The following NEGR1 variants were observed in gnomAD, a reference collection of about 807,000 sequenced individuals.
The protein encoded by NEGR1 is neuronal growth regulator 1.
In NEGR1, 10 loss-of-function variants were observed where a neutral mutation model predicts 40.9. The ratio of observed to expected loss-of-function variants is 0.24; its 90% CI spans 0.15 to 0.42. The LOEUF (loss-of-function observed/expected upper bound fraction) is 0.42. NEGR1 is among the 10% of genes least tolerant of loss of function. The pLI, the probability that NEGR1 is intolerant of heterozygous loss-of-function variation, is 1.00. For missense variants in NEGR1, 352 were observed against 438.9 expected (o/e 0.80, Z 1.77); for synonymous variants, 185 against 166.8 (o/e 1.11, Z -0.84).
At chr1:72,265,199 T>C (rs1655600102) in intron 1 of NEGR1, among the ~76,000 whole-genome samples, 1 of 151,014 alleles carries the variant, frequency 6.6e-6, no homozygotes, top group African/African-American at 2.4e-5. Context: ...TAACTGATGA[T>C]AGCTGTTTGC....
chr1:71,812,757 G>GT (rs762611902), intron 2 of NEGR1, among the ~76,000 whole-genome samples: 22 of 151,826 alleles, frequency 1.4e-4, no homozygotes, highest in Admixed American at 2.6e-4. Flanking sequence ...TTTTTATTGT[G>GT]TTTTTTTCTT....
intron 1 of NEGR1, among the ~76,000 whole-genome samples, chr1:71,979,138 T>C (rs758597651): frequency 2.0e-5 from 3 of 152,088 alleles, no homozygotes; most frequent in Non-Finnish European, 2.9e-5. Flanking sequence ...TTCTCACTTA[T>C]AAGTTGGAGC....
intron 2 of NEGR1, among the ~76,000 whole-genome samples, chr1:71,814,594 T>C (rs1338558148): frequency 2.6e-5 from 4 of 152,140 alleles, no homozygotes. Context: ...TCAGAACTTA[T>C]TATTGGTCTA....
chr1:71,879,877 A>G (rs540840301), intron 2 of NEGR1, among the ~76,000 whole-genome samples: 3 of 152,180 alleles, frequency 2.0e-5, no homozygotes, highest in Non-Finnish European at 2.9e-5. Context: ...GGCCCAATTT[A>G]GAAACATTAA....
At chr1:71,765,143 C>A (rs1656077829) in intron 3 of NEGR1, among the ~76,000 whole-genome samples, 1 of 152,142 alleles carries the variant, frequency 6.6e-6, no homozygotes. Context: ...ATGAGATGGA[C>A]TGAAAACTGT....
chr1:71,553,985 A>G (rs1338285322), intron 6 of NEGR1, among the ~76,000 whole-genome samples: 1 of 151,552 alleles, frequency 6.6e-6, no homozygotes, highest in Non-Finnish European at 1.5e-5. Flanking sequence ...CTTACAGAAA[A>G]GAGTTTTTTA....
At chr1:72,249,819 T>C (rs996704256) in intron 1 of NEGR1, among the ~76,000 whole-genome samples, 1 of 152,152 alleles carries the variant, frequency 6.6e-6, no homozygotes. Flanking sequence ...TGGAAGGAAG[T>C]TATTCTGATA....
chr1:72,193,988 C>A (rs1471065832), intron 1 of NEGR1, among the ~76,000 whole-genome samples: 1 of 151,638 alleles, frequency 6.6e-6, no homozygotes, highest in African/African-American at 2.4e-5. Context: ...GGTATCAGAT[C>A]ATTGCTGTCA....
chr1:71,691,709 T>G (rs914456791), intron 4 of NEGR1, among the ~76,000 whole-genome samples: 5 of 151,796 alleles, frequency 3.3e-5, no homozygotes, highest in Non-Finnish European at 7.4e-5. Context: ...AACTCTCACC[T>G]CATCCGGTCC....
chr1:71,687,039 C>T (rs79288961), intron 4 of NEGR1, among the ~76,000 whole-genome samples: 10,625 of 152,246 alleles, frequency 0.07, 1,229 homozygotes, highest in African/African-American at 0.24. Context: ...ACACTCTCAA[C>T]ATCTGTTCTA....
At chr1:71,557,991 A>T (rs1312019170) in intron 6 of NEGR1, among the ~76,000 whole-genome samples, 1 of 151,514 alleles carries the variant, frequency 6.6e-6, no homozygotes, top group African/African-American at 2.4e-5. Flanking sequence ...GATTTCTCTG[A>T]TATTTTCTCA....
At chr1:71,712,461 G>T (rs1233978575) in intron 3 of NEGR1, among the ~76,000 whole-genome samples, 1 of 152,036 alleles carries the variant, frequency 6.6e-6, no homozygotes, top group Non-Finnish European at 1.5e-5. Context: ...TCAGCTGATG[G>T]TTCACTTTAA....
chr1:72,264,620 T>C (rs1261231018), intron 1 of NEGR1, among the ~76,000 whole-genome samples: 2 of 150,738 alleles, frequency 1.3e-5, no homozygotes, highest in Non-Finnish European at 3.0e-5. Flanking sequence ...GTTATCCAAA[T>C]TAAAATAACA....
intron 6 of NEGR1, among the ~76,000 whole-genome samples, chr1:71,454,687 T>C (rs1264258141): frequency 1.3e-5 from 2 of 152,266 alleles, no homozygotes; most frequent in South Asian, 4.1e-4. Flanking sequence ...CAGCTTCAGG[T>C]TTTGGCTCCA....
At chr1:72,128,904 G>A (rs1197888658) in intron 1 of NEGR1, among the ~76,000 whole-genome samples, 2 of 152,164 alleles carry the variant, frequency 1.3e-5, no homozygotes, top group Non-Finnish European at 2.9e-5. Flanking sequence ...ACAAAAAAGA[G>A]AAGGAAGGGA....
chr1:72,039,777 T>C (rs975994179), intron 1 of NEGR1, among the ~76,000 whole-genome samples: 4 of 151,920 alleles, frequency 2.6e-5, no homozygotes, highest in Non-Finnish European at 4.4e-5. Flanking sequence ...ATGCCAAGAA[T>C]GTGGCGAGAA....
At chr1:72,098,875 G>A (rs1363210341) in intron 1 of NEGR1, among the ~76,000 whole-genome samples, 1 of 152,070 alleles carries the variant, frequency 6.6e-6, no homozygotes, top group Non-Finnish European at 1.5e-5. Flanking sequence ...TCTGGATGAA[G>A]TGGCATTTCC....
At chr1:71,799,693 C>G (rs951435330) in intron 2 of NEGR1, among the ~76,000 whole-genome samples, 1 of 151,898 alleles carries the variant, frequency 6.6e-6, no homozygotes, top group African/African-American at 2.4e-5. Context: ...TCTCCACATC[C>G]TCTCCAGCAT....
intron 6 of NEGR1, among the ~76,000 whole-genome samples, chr1:71,496,440 A>T (rs991166049): frequency 3.3e-5 from 5 of 152,060 alleles, no homozygotes; most frequent in African/African-American, 9.7e-5. Flanking sequence ...AAAAAAGGGG[A>T]TAGAAAGAAG....
Sources: allele counts gnomAD v4.1 joint callset (sites outside exome capture counted in the v4.1 genomes callset), GRCh38; gene constraint gnomAD v4.1.1; transcripts MANE v1.5; gene names NCBI Gene and HGNC (gene_info 2026-07-23, HGNC 2026-07-21).